CSMD3: variants seen among roughly 807,000 people sequenced by gnomAD.
CSMD3 encodes CUB and Sushi multiple domains 3.
Under a neutral mutation model 435.2 loss-of-function variants are expected in CSMD3, and 177 were observed. The ratio of observed to expected loss-of-function variants is 0.41; its 90% CI spans 0.36 to 0.46. The LOEUF (loss-of-function observed/expected upper bound fraction) is 0.46. CSMD3 is among the 20% of genes least tolerant of loss of function. The pLI, the probability that CSMD3 is intolerant of heterozygous loss-of-function variation, is 0.34. For missense variants in CSMD3, 4,265 were observed against 4,504.6 expected (o/e 0.95, Z 1.52); for synonymous variants, 1,656 against 1,520.5 (o/e 1.09, Z -2.07).
At chr8:112,827,251 CT>C (rs5894107) in intron 12 of CSMD3, among the ~76,000 whole-genome samples, 7 of 129,600 alleles carry the variant, frequency 5.4e-5, no homozygotes, top group South Asian at 2.6e-4. Flanking sequence ...GCTCAAATAG[CT>C]TTTTTTTGTT....
At chr8:113,209,285 A>G (rs1384170428) in intron 3 of CSMD3, among the ~76,000 whole-genome samples, 1 of 152,116 alleles carries the variant, frequency 6.6e-6, no homozygotes, top group East Asian at 1.9e-4. Flanking sequence ...TTTGGCCTCT[A>G]AAAGGTTGTA....
chr8:113,229,322 G>T (rs969239310), intron 3 of CSMD3, among the ~76,000 whole-genome samples: 2 of 151,390 alleles, frequency 1.3e-5, no homozygotes, highest in African/African-American at 2.4e-5. Flanking sequence ...ATTTCTTGTT[G>T]GTTACTTTTT....
At chr8:113,030,505 T>C (rs1190487699) in intron 5 of CSMD3, among the ~76,000 whole-genome samples, 2 of 148,578 alleles carry the variant, frequency 1.3e-5, no homozygotes, top group East Asian at 2.0e-4. Flanking sequence ...CAAATCCTTA[T>C]AGCTAACTGA....
intron 4 of CSMD3, among the ~76,000 whole-genome samples, chr8:113,128,240 C>A (rs1465191298): frequency 1.3e-5 from 2 of 151,572 alleles, no homozygotes; most frequent in Non-Finnish European, 2.9e-5. Context: ...GCTAAAGAAG[C>A]TTAATAACAT....
At chr8:112,285,863 C>T (rs1401351117) in intron 58 of CSMD3, among the ~76,000 whole-genome samples, 1 of 151,992 alleles carries the variant, frequency 6.6e-6, no homozygotes, top group Non-Finnish European at 1.5e-5. Flanking sequence ...GGACTACAGG[C>T]ATATGCCACC....
intron 65 of CSMD3, among the ~76,000 whole-genome samples, chr8:112,242,652 T>C (rs931064563): frequency 6.6e-6 from 1 of 152,082 alleles, no homozygotes; most frequent in African/African-American, 2.4e-5. Context: ...AACTATAGGA[T>C]GGTAATATCA....
At chr8:112,270,135 C>A (rs1314768266) in intron 59 of CSMD3, among the ~76,000 whole-genome samples, 1 of 152,152 alleles carries the variant, frequency 6.6e-6, no homozygotes, top group Non-Finnish European at 1.5e-5. Flanking sequence ...GGTTGAATAA[C>A]AGCAGGTAGA....
At chr8:113,307,978 C>T (rs2093834853) in intron 2 of CSMD3, among the ~76,000 whole-genome samples, 1 of 152,106 alleles carries the variant, frequency 6.6e-6, no homozygotes, top group Non-Finnish European at 1.5e-5. Context: ...CATCTCATTT[C>T]ACAGAATGAG....
At chr8:113,051,318 G>A (rs2088081107) in intron 5 of CSMD3, among the ~76,000 whole-genome samples, 1 of 151,880 alleles carries the variant, frequency 6.6e-6, no homozygotes, top group Admixed American at 6.6e-5. Flanking sequence ...TGCCAAATGA[G>A]GGTTATTTTT....
intron 4 of CSMD3, among the ~76,000 whole-genome samples, chr8:113,126,875 C>T (rs1240387845): frequency 6.6e-6 from 1 of 151,920 alleles, no homozygotes; most frequent in Non-Finnish European, 1.5e-5. Flanking sequence ...CTACCATCAG[C>T]CTAAGTCAAT....
intron 30 of CSMD3, 80 bp from the exon 31 acceptor site, chr8:112,492,763 G>T: frequency 1.8e-6 from 2 of 1,130,016 alleles, no homozygotes; most frequent in Non-Finnish European, 2.7e-6. Flanking sequence ...TGCATCTGTG[G>T]ATTCAGCCAA....
At chr8:112,748,574 A>C (rs1319625622) in intron 13 of CSMD3, among the ~76,000 whole-genome samples, 1 of 152,122 alleles carries the variant, frequency 6.6e-6, no homozygotes, top group Non-Finnish European at 1.5e-5. Flanking sequence ...TCCCACTTAT[A>C]AGTGGGAACA....
chr8:112,794,755 A>G (rs1177217299), intron 13 of CSMD3, among the ~76,000 whole-genome samples: 1 of 152,186 alleles, frequency 6.6e-6, no homozygotes, highest in Non-Finnish European at 1.5e-5. Context: ...ATGCAGTCAA[A>G]GAGAGAAAGA....
At chr8:112,252,555 C>T (rs1436894563) in intron 63 of CSMD3, among the ~76,000 whole-genome samples, 3 of 151,224 alleles carry the variant, frequency 2.0e-5, no homozygotes, top group East Asian at 1.9e-4. Context: ...GCTCAAGATG[C>T]CTTTTGCATA....
rs1586694611 is a variant in CSMD3, at chr8:112,565,090, T to C, written c.4043-8136A>G. ...GTATGAAGAAATTTAATATTGTCTA[T>C]GTAAATGACAGTTAATTAAGAAATT... On this transcript the variant is annotated intron_variant, in intron 24 of 70. Transcript: ENST00000297405. 2.0e-5 allele frequency among the ~76,000 whole-genome samples: 3 copies of C among 152,106 alleles called. No homozygotes were observed. In the South Asian group the frequency reaches 6.2e-4, roughly 31 times the overall value.
At chr8:112,386,699 A>G (rs540208649) in intron 36 of CSMD3, among the ~76,000 whole-genome samples, 360 of 151,778 alleles carry the variant, frequency 2.4e-3, no homozygotes, top group Non-Finnish European at 3.4e-3. Flanking sequence ...GGGTTTCACT[A>G]TGTTAGCCAG....
chr8:113,239,527 T>TATCC (rs2093189127), intron 3 of CSMD3, among the ~76,000 whole-genome samples: 1 of 151,646 alleles, frequency 6.6e-6, no homozygotes, highest in Admixed American at 6.6e-5. Context: ...TCTATCTATC[T>TATCC]ATCTATCATC....
At chr8:112,852,389 A>G (rs940541985) in intron 11 of CSMD3, among the ~76,000 whole-genome samples, 1 of 152,116 alleles carries the variant, frequency 6.6e-6, no homozygotes, top group Non-Finnish European at 1.5e-5. Context: ...AGTGGAGTCA[A>G]TGATATAGTA....
intron 4 of CSMD3, among the ~76,000 whole-genome samples, chr8:113,125,249 G>A (rs2091093236): frequency 6.6e-6 from 1 of 151,886 alleles, no homozygotes; most frequent in South Asian, 2.1e-4. Context: ...AGTAGAAGTG[G>A]ACTGGGCCCA....
Sources: gnomAD v4.1 joint callset for allele counts (sites outside exome capture counted in the v4.1 genomes callset) on GRCh38, gnomAD v4.1.1 for gene constraint, MANE v1.5 for transcripts, NCBI Gene and HGNC (gene_info 2026-07-23, HGNC 2026-07-21) for gene names.